The following ACOX3 variants were observed in gnomAD, a reference collection of about 807,000 sequenced individuals.
ACOX3 encodes acyl-CoA oxidase 3, pristanoyl, also known as peroxisomal acyl-coenzyme A oxidase 3.
In ACOX3, 73 loss-of-function variants were observed where a neutral mutation model predicts 81.5. That is an observed-to-expected ratio of 0.90 (90% confidence interval 0.74 to 1.09). The LOEUF is 1.09. ACOX3 is among the 50% of genes least tolerant of loss of function. ACOX3 has a pLI of 0.00. For missense variants in ACOX3, 947 were observed against 928.0 expected, an observed-to-expected ratio of 1.02 and a Z score of -0.27; for synonymous variants, 387 against 375.1, an observed-to-expected ratio of 1.03 and a Z score of -0.37.
chr4:8,381,735 T>G lies in ACOX3; in HGVS notation c.1538-128A>C, dbSNP rs1717678649. On this transcript the variant is annotated intron_variant, in intron 13 of 17. Transcript: ENST00000356406. This position sits in a 1 kb window ranked among gnomAD's most constrained non-coding sequence, Gnocchi z 4.3. ...CAGGTTGTCTTCATTGACAACCAAGTGTATGGGGTGGGTCTGATTTTATAG... is the reference window on the plus strand; with the variant it reads ...CAGGTTGTCTTCATTGACAACCAAGGGTATGGGGTGGGTCTGATTTTATAG... 1 of 677,044 alleles carries G rather than the reference T, an allele frequency of 1.5e-6. No individual in the cohort carries two copies. Among genetic ancestry groups the G allele is most frequent in the Non-Finnish European group, 2.5e-6 (1 of 395,488 alleles). The allele number at this position is 677,044 out of a possible 1,614,324, so 41.9% of individuals were successfully genotyped here.
chr4:8,431,727 G>A lies in ACOX3; in HGVS notation c.-15+8921C>T, dbSNP rs1484990997. 6.6e-6 allele frequency among the ~76,000 whole-genome samples: 1 copy of A among 152,186 alleles called. No individual in the cohort carries two copies. Among genetic ancestry groups the A allele is most frequent in the Non-Finnish European group, 1.5e-5 (1 of 68,030 alleles). The stretch of plus-strand genomic sequence containing the variant: ...AGTAACTCAGTGGACAATGACCCAC[G>A]GGAGCACTGCCATAGGGCCTCACCC... On this transcript the variant is annotated intron_variant, in intron 1 of 17. Transcript: ENST00000356406. The surrounding 1 kb of genome is among the most constrained non-coding windows in gnomAD (Gnocchi z 5.3).
intron 8 of ACOX3, among the ~76,000 whole-genome samples, chr4:8,397,889 G>A (rs1389492146): frequency 4.6e-5 from 7 of 152,244 alleles, no homozygotes; most frequent in African/African-American, 9.6e-5. Flanking sequence ...AGCCGGGTGC[G>A]GCGGCTCACG....
chr4:8,366,800 C>T lies in ACOX3; in HGVS notation c.*161G>A, dbSNP rs569541568. Reference sequence around the variant, plus strand: ...TCCAGCCGGCCGGGTGCCTCCCTCCCGTCCGCCTGGGCAGTTGAGGCCAAT... The same window carrying T: ...TCCAGCCGGCCGGGTGCCTCCCTCCTGTCCGCCTGGGCAGTTGAGGCCAAT... On this transcript the variant is annotated 3_prime_UTR_variant, in exon 18 of 18. Transcript: ENST00000356406. 9.0e-4 allele frequency: 875 copies of T among 974,996 alleles called. 2 individuals are homozygous for T. Among genetic ancestry groups the T allele is most frequent in the Middle Eastern group, 5.7e-3 (17 of 2,970 alleles). 60.4% of individuals were successfully genotyped at this position (974,996 alleles called of 1,614,324 possible).
intron 14 of ACOX3, among the ~76,000 whole-genome samples, chr4:8,376,987 G>A (rs1227346268): frequency 3.3e-5 from 5 of 152,196 alleles, no homozygotes; most frequent in African/African-American, 1.2e-4. Flanking sequence ...CAGGTGTGGT[G>A]CTGCAGCTCC....
downstream of ACOX3, among the ~76,000 whole-genome samples, chr4:8,365,616 C>T (rs1045491872): frequency 6.6e-6 from 1 of 152,128 alleles, no homozygotes; most frequent in Admixed American, 6.5e-5. Context: ...GCTCACCCCA[C>T]GCGGTTGGCT....
intron 17 of ACOX3, among the ~76,000 whole-genome samples, chr4:8,369,586 C>T (rs929640512): frequency 6.6e-6 from 1 of 152,216 alleles, no homozygotes; most frequent in Non-Finnish European, 1.5e-5. Flanking sequence ...CTCTCACCTC[C>T]TGCCCTGCCC....
chr4:8,408,188 C>T (rs972325612), intron 6 of ACOX3, among the ~76,000 whole-genome samples: 5 of 151,870 alleles, frequency 3.3e-5, no homozygotes, highest in Non-Finnish European at 5.9e-5. Context: ...GGGCTAAAAC[C>T]CAAATGTAAA....
rs1453237869 is a variant in ACOX3, at chr4:8,393,567, AG to A, written c.1179+1052del. On this transcript the variant is annotated intron_variant, in intron 10 of 17. Transcript: ENST00000356406. ...AAAGAAGAATTTTTAATTTTAAAAA[AG>A]AAAGACAATTAAAAAGGAAAAACAA... is the stretch of plus-strand genomic sequence containing the variant. Among the ~76,000 whole-genome samples, 2 of 120,812 alleles carry A rather than the reference AG, an allele frequency of 1.7e-5. 1 individual carries two copies. Among genetic ancestry groups the A allele is most frequent in the Admixed American group, 1.5e-4 (2 of 13,042 alleles). 79.3% of individuals were successfully genotyped at this position (120,812 alleles called of 152,430 possible).
Position 8,389,704 on chromosome 4 carries a change from T to C in ACOX3, c.1331A>G (p.Asn444Ser), listed in dbSNP as rs1459901583. 1.2e-6 allele frequency: 2 copies of C among 1,613,922 alleles called. No homozygotes were observed. Among genetic ancestry groups the C allele is most frequent in the African/African-American group, 1.3e-5 (1 of 74,888 alleles). Reference protein sequence around the residue: ...MNRLGVLRDDNDPNCTYEGDN... With the variant: ...MNRLGVLRDDSDPNCTYEGDN... ...ACCTTCGTATGTGCAGTTGGGATCGTTGTCATCTCTAAGGACACCCAACCG... is the reference window on the plus strand; with the variant it reads ...ACCTTCGTATGTGCAGTTGGGATCGCTGTCATCTCTAAGGACACCCAACCG... The change falls in exon 12 of 18, where the codon AAC becomes AGC. Residue 444 changes from asparagine to serine, a missense_variant. By Grantham distance (46) the Asn-to-Ser change is conservative. Transcript: ENST00000356406. This position sits in a 1 kb window ranked among gnomAD's most constrained non-coding sequence, Gnocchi z 5.3.
rs1004938060 is a variant in ACOX3 at position 8,366,921 on chromosome 4, C to T, written c.*40G>A. On this transcript the variant is annotated 3_prime_UTR_variant, in exon 18 of 18. Transcript: ENST00000356406. ...TTGAGGTCCACGTCTGATTAGTTCC[C>T]TTCGTTTCATTAGACTTGGCTGAAT... 2 of 1,609,920 alleles carry T rather than the reference C, an allele frequency of 1.2e-6. No homozygotes were observed. The highest frequency in any genetic ancestry group is 1.7e-5 in the Admixed American group (1 of 59,906).
In ACOX3 at chr4:8,397,026, C is replaced by T. The variant is rs749396836; in HGVS notation, c.967G>A (p.Val323Met). 41 of 1,611,540 alleles carry T rather than the reference C, an allele frequency of 2.5e-5. No homozygotes were observed. The highest frequency in any genetic ancestry group is 1.7e-4 in the Middle Eastern group (1 of 6,048). The change falls in exon 9 of 18, where the codon GTG becomes ATG. Residue 323 changes from valine (V) to methionine (M), a missense_variant. Physicochemically the swap from Val to Met is conservative, Grantham distance 21. Coordinates refer to ENST00000356406, the MANE Select transcript of ACOX3 (RefSeq NM_003501.3). ...GCTGAGAAGCGAAGAGCGATGGCCA[C>T]GGCCAGCTTTAGGTTAAGGATGGCC... ...SLAILNLKLAVAIALRFSATR... is the reference protein window; with the variant it reads ...SLAILNLKLAMAIALRFSATR...
chr4:8,425,870 CGCA>C (rs1035431501), intron 1 of ACOX3, among the ~76,000 whole-genome samples: 9 of 152,166 alleles, frequency 5.9e-5, no homozygotes, highest in African/African-American at 2.2e-4. Context: ...CAGCGAGTAT[CGCA>C]GACGTTACTT....
Position 8,368,717 on chromosome 4 carries a change from T to A in ACOX3, c.1984-1637A>T, listed in dbSNP as rs1434497553. Among the ~76,000 whole-genome samples the A allele has an allele frequency of 6.6e-6, 1 of 151,224 alleles. No individual in the cohort carries two copies. Among genetic ancestry groups the A allele is most frequent in the Non-Finnish European group, 1.5e-5 (1 of 67,890 alleles). On this transcript the variant is annotated intron_variant, in intron 17 of 17. Transcript: ENST00000356406. The surrounding 1 kb of genome is among the most constrained non-coding windows in gnomAD (Gnocchi z 5.9). Reference sequence around the variant, plus strand: ...GGTTAATACACCAGTTCCTTGCAACTGGAAGGAATGCACTTTTTTTTTTTT... The same window carrying A: ...GGTTAATACACCAGTTCCTTGCAACAGGAAGGAATGCACTTTTTTTTTTTT...
downstream of ACOX3, among the ~76,000 whole-genome samples, chr4:8,364,554 C>T (rs975147580): frequency 2.7e-5 from 4 of 150,912 alleles, no homozygotes; most frequent in African/African-American, 4.9e-5. The surrounding 1 kb of genome is among the most constrained non-coding windows in gnomAD (Gnocchi z 5.0). Flanking sequence ...CCCGTTGTGT[C>T]TGACATGGTG....
At chr4:8,367,853 A>T (rs1399923503) in intron 17 of ACOX3, among the ~76,000 whole-genome samples, 3 of 139,654 alleles carry the variant, frequency 2.1e-5, no homozygotes, top group Non-Finnish European at 4.6e-5. Context: ...TTAACTGGGC[A>T]TGGAGGAGTT....
rs545418104 is a variant in ACOX3, at chr4:8,400,791, C to T, written c.777-1139G>A. ...CCGCAACCTTTTTGGCACCAGGGAC[C>T]GGTTTTATGGAAGACAATTTTTCCA... On this transcript the variant is annotated intron_variant, in intron 7 of 17. Coordinates refer to ENST00000356406, the MANE Select transcript of ACOX3 (RefSeq NM_003501.3). This position sits in a 1 kb window ranked among gnomAD's most constrained non-coding sequence, Gnocchi z 4.4. Among the ~76,000 whole-genome samples the T allele has an allele frequency of 7.9e-5, 12 of 152,178 alleles. No individual in the cohort carries two copies. Among genetic ancestry groups the T allele is most frequent in the Admixed American group, 4.6e-4 (7 of 15,274 alleles).
chr4:8,389,268 C>T lies in ACOX3; in HGVS notation c.1442G>A (p.Ser481Asn). Reference sequence around the variant, plus strand: ...CAGAAAGTCCACTGACTTCAGCGGACTGCGGAAGCAAGCTCCATCTAGGAC... The same window carrying T: ...CAGAAAGTCCACTGACTTCAGCGGATTGCGGAAGCAAGCTCCATCTAGGAC... ...HQVHDGACFR[S>N]PLKSVDFLDA... The change falls in exon 13 of 18, where the codon AGT (serine) becomes AAT (asparagine). Residue 481 changes from serine to asparagine, a missense_variant. Transcript: ENST00000356406. This position sits in a 1 kb window ranked among gnomAD's most constrained non-coding sequence, Gnocchi z 5.3. 6.2e-7 allele frequency: 1 copy of T among 1,613,266 alleles called. No individual in the cohort carries two copies. Among genetic ancestry groups the T allele is most frequent in the Non-Finnish European group, 8.5e-7 (1 of 1,179,716 alleles).
At position 8,406,403 on chromosome 4, in the gene ACOX3, G is replaced by A. The variant is rs1035804769; in HGVS notation, c.688-360C>T. ...AGGCACAGAGTACAGCGCTGGGGCT[G>A]TAGGGATCAGCCCCACAGGGTCAGT... On this transcript the variant is annotated intron_variant, in intron 6 of 17. Transcript: ENST00000356406. The surrounding 1 kb of genome is among the most constrained non-coding windows in gnomAD (Gnocchi z 5.6). Among the ~76,000 whole-genome samples the A allele has an allele frequency of 1.3e-5, 2 of 152,180 alleles. No homozygotes were observed. The highest frequency in any genetic ancestry group is 2.9e-5 in the Non-Finnish European group (2 of 68,030).
At chr4:8,388,054 G>T (rs1448051155) in intron 13 of ACOX3, among the ~76,000 whole-genome samples, 1 of 152,248 alleles carries the variant, frequency 6.6e-6, no homozygotes, top group Non-Finnish European at 1.5e-5. Flanking sequence ...GTCATTCACA[G>T]CAGGGGAACG....
Sources: allele counts gnomAD v4.1 joint callset (sites outside exome capture counted in the v4.1 genomes callset), GRCh38; gene constraint gnomAD v4.1.1; non-coding constraint Gnocchi (gnomAD v3.1); transcripts MANE v1.5; gene names NCBI Gene and HGNC (gene_info 2026-07-23, HGNC 2026-07-21).